Variants in CSMD3 observed in about 807,000 individuals in gnomAD.
CSMD3 encodes the protein CUB and sushi domain-containing protein 3.
In CSMD3, 177 loss-of-function variants were observed where a neutral mutation model predicts 435.2. The ratio of observed to expected loss-of-function variants is 0.41; its 90% CI spans 0.36 to 0.46. The LOEUF is 0.46. CSMD3 is among the 20% of genes least tolerant of loss of function. The probability of loss-of-function intolerance (pLI) is 0.34; values close to 1 mark genes in which losing one functional copy is unlikely to be tolerated. For synonymous variants in CSMD3, 1,656 were observed against 1,520.5 expected (o/e 1.09, Z -2.07); for missense variants, 4,265 against 4,504.6 (o/e 0.95, Z 1.52).
rs936019528 is a variant in CSMD3 at position 112,769,544 on chromosome 8, T to TA, written c.1972+30617dup. On this transcript the variant is annotated intron_variant, in intron 13 of 70. Coordinates refer to ENST00000297405, the MANE Select transcript of CSMD3 (RefSeq NM_198123.2). The stretch of plus-strand genomic sequence containing the variant: ...AGTGCTGAATTTTAAATCTTATGAA[T>TA]ACCATGAAAATATTAGAAAAGATTT... Among the ~76,000 whole-genome samples, 92 of 152,196 alleles carry TA rather than the reference T, an allele frequency of 6.0e-4. 1 individual carries two copies. The highest frequency in any genetic ancestry group is 2.2e-3 in the African/African-American group (92 of 41,578).
Position 112,241,603 on chromosome 8 carries a change from ACAGT to A in CSMD3, c.10468+113_10468+116del, listed in dbSNP as rs1398007523. 8.4e-6 allele frequency: 6 copies of A among 716,492 alleles called. No individual in the cohort carries two copies. In the Admixed American group the frequency reaches 1.1e-4, roughly 13 times the overall value. The allele number at this position is 716,492 out of a possible 1,614,324, so 44.4% of individuals were successfully genotyped here. ...CATCTTGTGAATTATCAAATTCAAG[ACAGT>A]CATAGTTTTTTATACTTAAATATAT... On this transcript the variant is annotated intron_variant, in intron 66 of 70. Coordinates refer to ENST00000297405, the MANE Select transcript of CSMD3 (RefSeq NM_198123.2).
chr8:112,269,715 G>A (rs1037154313), intron 59 of CSMD3, among the ~76,000 whole-genome samples: 1 of 152,130 alleles, frequency 6.6e-6, no homozygotes, highest in African/African-American at 2.4e-5. Context: ...GTAATTACAT[G>A]TACTTATTAT....
intron 22 of CSMD3, among the ~76,000 whole-genome samples, chr8:112,599,014 C>A (rs1434011165): frequency 6.7e-6 from 1 of 149,284 alleles, no homozygotes; most frequent in East Asian, 2.0e-4. Context: ...ACAAAATTGA[C>A]AAATGGGATC....
intron 59 of CSMD3, among the ~76,000 whole-genome samples, chr8:112,277,753 G>A (rs1262616754): frequency 2.0e-5 from 3 of 152,124 alleles, no homozygotes; most frequent in Non-Finnish European, 4.4e-5. Context: ...TATAGCAGAA[G>A]GAGAAAGGCA....
chr8:113,368,335 A>C (rs1475566418), intron 1 of CSMD3, among the ~76,000 whole-genome samples: 1 of 152,116 alleles, frequency 6.6e-6, no homozygotes, highest in Non-Finnish European at 1.5e-5. Context: ...AATTTAACAG[A>C]TATGCTGGCT....
intron 44 of CSMD3, 118 bp downstream of exon 44, chr8:112,336,530 TACTC>T: frequency 1.2e-6 from 1 of 804,514 alleles, no homozygotes; most frequent in Non-Finnish European, 2.1e-6. Context: ...CACCCTCAGT[TACTC>T]ACATCAATTC....
chr8:112,352,654 C>T (rs878995378), intron 38 of CSMD3, 120 bp from the exon 39 acceptor site: 49 of 838,480 alleles, frequency 5.8e-5, no homozygotes, highest in South Asian at 5.1e-4. Context: ...TATATTGAGA[C>T]GTTGAGAACG....
At chr8:112,895,171 A>T (rs1011353388) in intron 10 of CSMD3, among the ~76,000 whole-genome samples, 4 of 151,418 alleles carry the variant, frequency 2.6e-5, no homozygotes, top group African/African-American at 7.3e-5. Context: ...CTGACCACGC[A>T]GAGTTTATAT....
At chr8:112,492,455 T>C (rs774105982) in intron 31 of CSMD3, 34 bp downstream of exon 31, 2 of 1,542,722 alleles carry the variant, frequency 1.3e-6, no homozygotes, top group African/African-American at 1.4e-5. Context: ...TTTTTTCTAA[T>C]CATGAAAATT....
chr8:113,290,365 T>G (rs752836716), intron 2 of CSMD3, among the ~76,000 whole-genome samples: 23 of 151,636 alleles, frequency 1.5e-4, no homozygotes, highest in Non-Finnish European at 3.1e-4. Flanking sequence ...GGAGAACCTT[T>G]TCAGAAAAGT....
intron 12 of CSMD3, among the ~76,000 whole-genome samples, chr8:112,817,799 A>G (rs1030273734): frequency 2.0e-5 from 3 of 152,064 alleles, no homozygotes; most frequent in African/African-American, 7.2e-5. Flanking sequence ...CATTTTAGAA[A>G]TTTTTATCTA....
At position 112,964,897 on chromosome 8, in the gene CSMD3, C is replaced by G. The variant is rs530088121; in HGVS notation, c.1343-10136G>C. ...ATATCCTACGCAATGCACCCTAAAC[C>G]TAACACCACGCTGTTCTGCCACATA... On this transcript the variant is annotated intron_variant, in intron 7 of 70. Transcript: ENST00000297405. 1.1e-4 allele frequency among the ~76,000 whole-genome samples: 16 copies of G among 152,028 alleles called. No individual in the cohort carries two copies. In the South Asian group the frequency reaches 3.1e-3, roughly 30 times the overall value.
intron 3 of CSMD3, among the ~76,000 whole-genome samples, chr8:113,240,053 G>A (rs1161120986): frequency 6.6e-6 from 1 of 151,840 alleles, no homozygotes; most frequent in African/African-American, 2.4e-5. Flanking sequence ...CCCTCTATGT[G>A]TCCATGTGTT....
intron 59 of CSMD3, among the ~76,000 whole-genome samples, chr8:112,273,897 C>T (rs1817765849): frequency 6.8e-6 from 1 of 147,812 alleles, no homozygotes; most frequent in Admixed American, 6.8e-5. Flanking sequence ...GTCATTACTG[C>T]TCTATAAAGT....
At position 113,353,145 on chromosome 8, in the gene CSMD3, T is replaced by C. The variant is rs576848696; in HGVS notation, c.179-38352A>G. ...CAGTATCACTTGACATTCTGATGGATTGGATGTGAAGAGGAAAGGAAAATG... is the reference window on the plus strand; with the variant it reads ...CAGTATCACTTGACATTCTGATGGACTGGATGTGAAGAGGAAAGGAAAATG... On this transcript the variant is annotated intron_variant, in intron 1 of 70. Coordinates refer to ENST00000297405, the MANE Select transcript of CSMD3 (RefSeq NM_198123.2). 3.9e-5 allele frequency among the ~76,000 whole-genome samples: 6 copies of C among 152,102 alleles called. No homozygotes were observed. The South Asian group carries it at 8.3e-4, about 21-fold the overall frequency.
intron 41 of CSMD3, 78 bp from the exon 42 acceptor site, chr8:112,341,764 TC>T: frequency 2.2e-6 from 2 of 894,916 alleles, no homozygotes; most frequent in Non-Finnish European, 3.6e-6. Flanking sequence ...CACAATCACA[TC>T]AATGTACTTA....
At chr8:112,512,409 G>A (rs1179391131) in intron 28 of CSMD3, among the ~76,000 whole-genome samples, 1 of 152,112 alleles carries the variant, frequency 6.6e-6, no homozygotes, top group Non-Finnish European at 1.5e-5. Flanking sequence ...GAGCTTTTGG[G>A]TGAACAAAAG....
chr8:113,171,160 G>A (rs1191029195), intron 4 of CSMD3, among the ~76,000 whole-genome samples: 2 of 152,048 alleles, frequency 1.3e-5, no homozygotes, highest in Admixed American at 6.6e-5. Context: ...TTGGATGATA[G>A]AGCTAACATA....
At chr8:112,302,826 A>T (rs975919134) in intron 52 of CSMD3, among the ~76,000 whole-genome samples, 1 of 151,544 alleles carries the variant, frequency 6.6e-6, no homozygotes, top group Non-Finnish European at 1.5e-5. Flanking sequence ...AAAAAAAATC[A>T]TTTGAGGTCG....
Sources: gnomAD v4.1 joint callset for allele counts (sites outside exome capture counted in the v4.1 genomes callset) on GRCh38, gnomAD v4.1.1 for gene constraint, MANE v1.5 for transcripts, NCBI Gene and HGNC (gene_info 2026-07-23, HGNC 2026-07-21) for gene names.